RRAS2: variants seen among roughly 807,000 people sequenced by gnomAD.
RRAS2 encodes ras-related protein R-Ras2.
RRAS2 carries 7 observed loss-of-function variants against 27.6 expected under a neutral mutation model. That is an observed-to-expected ratio of 0.25 (90% CI 0.14 to 0.48). The LOEUF is 0.48. RRAS2 is among the 20% of genes least tolerant of loss of function. The pLI, the probability that RRAS2 is intolerant of heterozygous loss-of-function variation, is 0.99. For missense variants in RRAS2, 178 were observed against 256.2 expected (o/e 0.69, Z 2.08); for synonymous variants, 86 against 90.9 (o/e 0.95, Z 0.31).
upstream of RRAS2, among the ~76,000 whole-genome samples, chr11:14,361,402 G>A (rs1348111589): frequency 3.3e-5 from 5 of 152,152 alleles, no homozygotes; most frequent in Admixed American, 1.3e-4. Context: ...TGTGGCTCAT[G>A]TCTGTATTCC....
intron 1 of RRAS2, among the ~76,000 whole-genome samples, chr11:14,336,541 A>C (rs1554952582): frequency 6.6e-6 from 1 of 152,222 alleles, no homozygotes; most frequent in Non-Finnish European, 1.5e-5. Flanking sequence ...AAGACACAGA[A>C]GTACAAAGAA....
At chr11:14,287,092 T>G (rs2133950366) in intron 4 of RRAS2, among the ~76,000 whole-genome samples, 1 of 152,344 alleles carries the variant, frequency 6.6e-6, no homozygotes. Flanking sequence ...AACTTCCCCC[T>G]AAGTGTTGGT....
chr11:14,316,486 T>C (rs1167220240), intron 1 of RRAS2, among the ~76,000 whole-genome samples: 1 of 152,204 alleles, frequency 6.6e-6, no homozygotes, highest in Non-Finnish European at 1.5e-5. Flanking sequence ...ATGCCTATAA[T>C]CCCAGAACTT....
Position 14,281,618 on chromosome 11 carries a change from G to T in RRAS2, c.511C>A (p.Leu171Ile). 1.9e-6 allele frequency: 3 copies of T among 1,599,608 alleles called. No homozygotes were observed. The highest frequency in any genetic ancestry group is 2.6e-6 in the Non-Finnish European group (3 of 1,175,152). ...TTTGCTTACCTGATAACCCGGACAA[G>T]TTCATGGAAAGCTTGATCTACATTC... Reference protein sequence around the residue: ...RMNVDQAFHELVRVIRKFQEQ... With the variant: ...RMNVDQAFHEIVRVIRKFQEQ... Residue 171 changes from leucine (L) to isoleucine (I), a missense_variant, in exon 5 of 6, where the codon CTT becomes ATT. Coordinates refer to ENST00000256196, the MANE Select transcript of RRAS2 (RefSeq NM_012250.6).
intron 4 of RRAS2, among the ~76,000 whole-genome samples, chr11:14,292,623 C>T (rs1047481315): frequency 3.9e-5 from 6 of 151,976 alleles, no homozygotes; most frequent in Non-Finnish European, 7.4e-5. Flanking sequence ...GATGAACTGT[C>T]TATGCTAGGT....
chr11:14,308,876 C>T (rs1847891904), intron 1 of RRAS2, among the ~76,000 whole-genome samples: 1 of 152,164 alleles, frequency 6.6e-6, no homozygotes, highest in Non-Finnish European at 1.5e-5. Context: ...CGCTTAATTG[C>T]TGTATCATCT....
intron 1 of RRAS2, among the ~76,000 whole-genome samples, chr11:14,337,353 T>TATCATGCCTCAACAAGCCATATC: frequency 6.6e-6 from 1 of 152,250 alleles, no homozygotes; most frequent in East Asian, 1.9e-4. Flanking sequence ...CTGTTGACAT[T>TATCATGCCTCAACAAGCCATATC]ATCATGCCTC....
At position 14,352,779 on chromosome 11, in the gene RRAS2, A is replaced by G. The variant is rs371562213; in HGVS notation, c.108+5984T>C. ...TATAGAGAGAGAGAGAGAGAGAGAG[A>G]GGGAGAGAGAGAGAGAGAGACATTT... On this transcript the variant is annotated intron_variant, in intron 1 of 5. Transcript: ENST00000256196. Among the ~76,000 whole-genome samples, 61 of 136,884 alleles carry G rather than the reference A, an allele frequency of 4.5e-4. 1 individual carries two copies. The highest frequency in any genetic ancestry group is 1.2e-3 in the African/African-American group (44 of 37,664). 89.8% of individuals were successfully genotyped at this position (136,884 alleles called of 152,430 possible).
At chr11:14,352,287 A>G (rs1848972510) in intron 1 of RRAS2, among the ~76,000 whole-genome samples, 1 of 152,252 alleles carries the variant, frequency 6.6e-6, no homozygotes, top group African/African-American at 2.4e-5. Context: ...AAAGCTGTTC[A>G]GTGCTATGCA....
intron 1 of RRAS2, among the ~76,000 whole-genome samples, chr11:14,311,935 G>A (rs1356301208): frequency 6.6e-6 from 1 of 151,890 alleles, no homozygotes; most frequent in Non-Finnish European, 1.5e-5. Flanking sequence ...CTCAGTCTCG[G>A]CTCACTGCAA....
chr11:14,343,769 G>A (rs367799447), intron 1 of RRAS2, among the ~76,000 whole-genome samples: 3 of 152,138 alleles, frequency 2.0e-5, no homozygotes, highest in African/African-American at 7.2e-5. Flanking sequence ...GGCAGAAGGA[G>A]GTAGCAGTGA....
intron 4 of RRAS2, among the ~76,000 whole-genome samples, chr11:14,292,444 A>G (rs1458713308): frequency 4.6e-5 from 7 of 152,162 alleles, no homozygotes; most frequent in African/African-American, 1.7e-4. Flanking sequence ...ATGCACATCT[A>G]CTTTGCCATT....
At position 14,281,617 on chromosome 11, in the gene RRAS2, A is replaced by G. The variant is rs782654813; in HGVS notation, c.512T>C (p.Leu171Pro). 6.3e-7 allele frequency: 1 copy of G among 1,599,846 alleles called. No homozygotes were observed. The highest frequency in any genetic ancestry group is 1.8e-5 in the Admixed American group (1 of 56,414). ...RMNVDQAFHE[L>P]VRVIRKFQEQ... Reference sequence around the variant, plus strand: ...TTTTGCTTACCTGATAACCCGGACAAGTTCATGGAAAGCTTGATCTACATT... The same window carrying G: ...TTTTGCTTACCTGATAACCCGGACAGGTTCATGGAAAGCTTGATCTACATT... Residue 171 changes from leucine to proline, a missense_variant, in exon 5 of 6, where the codon CTT (leucine) becomes CCT (proline). Leu to Pro is a moderately conservative substitution (Grantham distance 98). Transcript: ENST00000256196.
At chr11:14,282,865 T>A (rs1446383095) in intron 4 of RRAS2, among the ~76,000 whole-genome samples, 1 of 152,212 alleles carries the variant, frequency 6.6e-6, no homozygotes, top group African/African-American at 2.4e-5. Context: ...CCATGTCATT[T>A]GCTAATAAAG....
In RRAS2 at chr11:14,293,140, T is replaced by TATATATATATATATAC. The variant is rs1847457574; in HGVS notation, c.408+1330_408+1331insGTATATATATATATAT. The stretch of plus-strand genomic sequence containing the variant: ...AACAAAACAAATATATATATATATA[T>TATATATATATATATAC]ATATATATATATATATATATATCAT... On this transcript the variant is annotated intron_variant, in intron 4 of 5. Transcript: ENST00000256196. 7.8e-5 allele frequency among the ~76,000 whole-genome samples: 10 copies of TATATATATATATATAC among 128,448 alleles called. 1 individual carries two copies. The highest frequency in any genetic ancestry group is 2.5e-4 in the African/African-American group (8 of 31,474). 84.3% of individuals were successfully genotyped at this position (128,448 alleles called of 152,430 possible). A position where few individuals can be genotyped will look rare whatever the true frequency, so the allele number is the denominator to read the frequency against.
chr11:14,353,076 G>A (rs989365746), intron 1 of RRAS2, among the ~76,000 whole-genome samples: 1 of 152,116 alleles, frequency 6.6e-6, no homozygotes, highest in Non-Finnish European at 1.5e-5. Flanking sequence ...TGGGATTACA[G>A]GCATGAGCCA....
chr11:14,349,500 T>C (rs1275422503), intron 1 of RRAS2, among the ~76,000 whole-genome samples: 1 of 152,134 alleles, frequency 6.6e-6, no homozygotes, highest in African/African-American at 2.4e-5. Context: ...TTTATGCCAC[T>C]ATCTGCAATT....
chr11:14,360,779 G>T (rs1010713577), upstream of RRAS2, among the ~76,000 whole-genome samples: 2 of 151,872 alleles, frequency 1.3e-5, no homozygotes, highest in Non-Finnish European at 2.9e-5. Context: ...AAATTAGTCC[G>T]GAGTGGTGGC....
intron 1 of RRAS2, among the ~76,000 whole-genome samples, chr11:14,321,839 A>G (rs954490231): frequency 1.3e-5 from 2 of 152,226 alleles, no homozygotes; most frequent in Non-Finnish European, 2.9e-5. Context: ...TGCATTTAAA[A>G]GGTATATTTA....
Sources: allele counts gnomAD v4.1 joint callset (sites outside exome capture counted in the v4.1 genomes callset), GRCh38; gene constraint gnomAD v4.1.1; transcripts MANE v1.5; gene names NCBI Gene and HGNC (gene_info 2026-07-23, HGNC 2026-07-21).